MOB3B: variants seen among roughly 807,000 people sequenced by gnomAD.
The protein encoded by MOB3B is MOB kinase activator 3B.
A neutral mutation model predicts 18.7 loss-of-function variants in MOB3B; 7 were observed. That is an observed-to-expected ratio of 0.37 (90% CI 0.21 to 0.70). MOB3B has a LOEUF of 0.70. Among genes scored for constraint, MOB3B ranks in the 30% least tolerant of loss-of-function variants. The pLI, the probability that MOB3B is intolerant of heterozygous loss-of-function variation, is 0.52. For synonymous variants in MOB3B, 111 were observed against 99.9 expected, an observed-to-expected ratio of 1.11 and a Z score of -0.66; for missense variants, 253 against 281.3, an observed-to-expected ratio of 0.90 and a Z score of 0.72.
At chr9:27,455,849 A>C in intron 1 of MOB3B, 101 bp from the exon 2 acceptor site, 1 of 1,218,744 alleles carries the variant, frequency 8.2e-7, no homozygotes, top group Non-Finnish European at 1.1e-6. Context: ...GGCTGTGCCC[A>C]CTCTCCATCC....
chr9:27,355,460 C>T (rs887863623), intron 3 of MOB3B, among the ~76,000 whole-genome samples: 1 of 152,138 alleles, frequency 6.6e-6, no homozygotes, highest in Non-Finnish European at 1.5e-5. Flanking sequence ...TGCCTGACTC[C>T]TTCATCATCC....
In MOB3B at chr9:27,325,660, A is replaced by G. The variant is rs1449692313; in HGVS notation, c.*4927T>C. ...GTCTAATTCTAGGAGAGAATCACCA[A>G]TTTCTTCAAGGTCCAAAATGATCAG... On this transcript the variant is annotated 3_prime_UTR_variant, in exon 4 of 4. Transcript: ENST00000262244. 6.6e-6 allele frequency: 1 copy of G among 152,210 alleles called. No homozygotes were observed. Among genetic ancestry groups the G allele is most frequent in the African/African-American group, 2.4e-5 (1 of 41,438 alleles). The allele number at this position is 152,210 out of a possible 1,614,324, so 9.4% of individuals were successfully genotyped here. A position where few individuals can be genotyped will look rare whatever the true frequency, so the allele number is the denominator to read the frequency against.
intron 1 of MOB3B, among the ~76,000 whole-genome samples, chr9:27,527,469 C>T (rs1820452950): frequency 6.6e-6 from 1 of 152,150 alleles, no homozygotes; most frequent in South Asian, 2.1e-4. Flanking sequence ...GCTTAGCAGT[C>T]TCACTTCTTT....
chr9:27,359,003 T>TTGG, intron 3 of MOB3B, 31 bp downstream of exon 3: 1 of 1,607,380 alleles, frequency 6.2e-7, no homozygotes, highest in African/African-American at 1.3e-5. Context: ...CTGGGGTGAC[T>TTGG]TGGATACCAT....
chr9:27,399,475 T>C (rs1173542891), intron 2 of MOB3B, among the ~76,000 whole-genome samples: 5 of 152,140 alleles, frequency 3.3e-5, no homozygotes. Flanking sequence ...GGTTGCCCTG[T>C]TAGGGAACAG....
At chr9:27,399,321 G>A (rs73646503) in intron 2 of MOB3B, among the ~76,000 whole-genome samples, 2,340 of 152,296 alleles carry the variant, frequency 0.015, 54 homozygotes, top group African/African-American at 0.052. Flanking sequence ...TTAAATAAAA[G>A]AGATGGCATA....
intron 2 of MOB3B, among the ~76,000 whole-genome samples, chr9:27,361,610 G>A (rs10967910): frequency 0.025 from 3,831 of 152,310 alleles, 100 homozygotes; most frequent in East Asian, 0.11. Flanking sequence ...CTATGTTCTA[G>A]GAACTGTGCC....
intron 1 of MOB3B, among the ~76,000 whole-genome samples, chr9:27,504,569 AAAGG>A (rs1486503683): frequency 3.3e-5 from 5 of 152,138 alleles, no homozygotes; most frequent in Admixed American, 3.3e-4. Flanking sequence ...TTGGGGAGAT[AAAGG>A]AAGGACAGCA....
intron 2 of MOB3B, among the ~76,000 whole-genome samples, chr9:27,450,404 T>C (rs149699344): frequency 2.0e-5 from 3 of 152,270 alleles, no homozygotes; most frequent in African/African-American, 7.2e-5. Context: ...CAGAGGGTTT[T>C]CATGAGGCTA....
intron 2 of MOB3B, among the ~76,000 whole-genome samples, chr9:27,450,212 C>T (rs1287644535): frequency 6.6e-6 from 1 of 152,094 alleles, no homozygotes; most frequent in Non-Finnish European, 1.5e-5. Context: ...AGACTACTTA[C>T]TTTAGAAATA....
At chr9:27,426,047 C>T (rs1198809498) in intron 2 of MOB3B, among the ~76,000 whole-genome samples, 12 of 152,304 alleles carry the variant, frequency 7.9e-5, no homozygotes, top group African/African-American at 2.9e-4. Flanking sequence ...TTACACAGTG[C>T]TTACCACAGC....
intron 2 of MOB3B, among the ~76,000 whole-genome samples, chr9:27,409,665 C>G (rs1822035162): frequency 6.6e-6 from 1 of 151,614 alleles, no homozygotes; most frequent in Non-Finnish European, 1.5e-5. Context: ...CTTACAATAG[C>G]CAAAAGGCAG....
At chr9:27,331,207 A>T (rs981841517) in intron 3 of MOB3B, among the ~76,000 whole-genome samples, 3 of 152,176 alleles carry the variant, frequency 2.0e-5, no homozygotes, top group Non-Finnish European at 4.4e-5. Flanking sequence ...GTGGGTATTT[A>T]TAGATCCCGA....
At chr9:27,508,421 C>T (rs753916696) in intron 1 of MOB3B, among the ~76,000 whole-genome samples, 5 of 151,948 alleles carry the variant, frequency 3.3e-5, no homozygotes, top group Admixed American at 6.6e-5. Context: ...AGGGACCATT[C>T]AAGAAGTCCT....
intron 3 of MOB3B, among the ~76,000 whole-genome samples, chr9:27,334,876 C>T (rs528730036): frequency 2.0e-5 from 3 of 152,124 alleles, no homozygotes; most frequent in African/African-American, 4.8e-5. Flanking sequence ...CAGGCTGGAG[C>T]GCAGTGGCGC....
chr9:27,358,616 C>G (rs574365311), intron 3 of MOB3B, among the ~76,000 whole-genome samples: 1 of 152,318 alleles, frequency 6.6e-6, no homozygotes, highest in African/African-American at 2.4e-5. Flanking sequence ...GTATCCCTAG[C>G]AGCTGGCACA....
At chr9:27,411,893 G>T (rs1439127199) in intron 2 of MOB3B, among the ~76,000 whole-genome samples, 1 of 152,158 alleles carries the variant, frequency 6.6e-6, no homozygotes, top group Non-Finnish European at 1.5e-5. Flanking sequence ...CTGCACTAAT[G>T]CAAGGTTCTA....
At chr9:27,516,793 C>T (rs1289706297) in intron 1 of MOB3B, among the ~76,000 whole-genome samples, 2 of 152,102 alleles carry the variant, frequency 1.3e-5, no homozygotes, top group African/African-American at 4.8e-5. Context: ...ATAGTCTTAC[C>T]ACTTACAGCT....
At position 27,389,411 on chromosome 9, in the gene MOB3B, C is replaced by T. The variant is rs565066349; in HGVS notation, c.419-30175G>A. Among the ~76,000 whole-genome samples the T allele has an allele frequency of 2.5e-5, 2 of 80,166 alleles. 1 individual carries two copies. Among genetic ancestry groups the T allele is most frequent in the African/African-American group, 1.4e-4 (2 of 14,738 alleles). The allele number at this position is 80,166 out of a possible 152,430, so 52.6% of individuals were successfully genotyped here. A position where few individuals can be genotyped will look rare whatever the true frequency, so the allele number is the denominator to read the frequency against. On this transcript the variant is annotated intron_variant, in intron 2 of 3. Coordinates refer to ENST00000262244, the MANE Select transcript of MOB3B (RefSeq NM_024761.5). ...CGCTGCAGCCAAATGGGCTTCTTTC[C>T]AATTACTTGAACATGCCGAGAGCTT... is the stretch of plus-strand genomic sequence containing the variant.
Sources: gnomAD v4.1 joint callset for allele counts (sites outside exome capture counted in the v4.1 genomes callset) on GRCh38, gnomAD v4.1.1 for gene constraint, MANE v1.5 for transcripts, NCBI Gene and HGNC (gene_info 2026-07-23, HGNC 2026-07-21) for gene names.